The following TBX5 variants were observed in gnomAD, a reference collection of about 807,000 sequenced individuals.
TBX5 encodes the protein T-box transcription factor TBX5.
A neutral mutation model predicts 51.1 loss-of-function variants in TBX5; 8 were observed. The ratio of observed to expected loss-of-function variants is 0.16; its 90% CI spans 0.09 to 0.28. The LOEUF (loss-of-function observed/expected upper bound fraction) is 0.28. Among genes scored for constraint, TBX5 ranks in the 10% least tolerant of loss-of-function variants. The probability of loss-of-function intolerance (pLI) is 1.00; values close to 1 mark genes in which losing one functional copy is unlikely to be tolerated. For synonymous variants in TBX5, 302 were observed against 266.4 expected, an observed-to-expected ratio of 1.13 and a Z score of -1.30; for missense variants, 589 against 671.7, an observed-to-expected ratio of 0.88 and a Z score of 1.36.
intron 7 of TBX5, among the ~76,000 whole-genome samples, chr12:114,378,321 G>A (rs1303320720): frequency 6.6e-6 from 1 of 152,168 alleles, no homozygotes; most frequent in Non-Finnish European, 1.5e-5. Context: ...ACAAGAAGAT[G>A]AGCAGAAGCC....
At chr12:114,397,797 C>T (rs78470205) in intron 5 of TBX5, among the ~76,000 whole-genome samples, 40 of 152,256 alleles carry the variant, frequency 2.6e-4, no homozygotes, top group African/African-American at 8.9e-4. Flanking sequence ...CAGATCTCCC[C>T]GGGAGTATCA....
chr12:114,403,980 G>A, intron 1 of TBX5, 44 bp from the exon 2 acceptor site: 1 of 1,554,352 alleles, frequency 6.4e-7, no homozygotes, highest in Non-Finnish European at 8.7e-7. Context: ...GGAGGACAGA[G>A]AGAGAACGAG....
At chr12:114,356,921 A>G (rs1357309328) in intron 8 of TBX5, among the ~76,000 whole-genome samples, 1 of 152,218 alleles carries the variant, frequency 6.6e-6, no homozygotes, top group Non-Finnish European at 1.5e-5. Context: ...GAATCCAAGT[A>G]GTCTGACCAC....
intron 7 of TBX5, 94 bp from the exon 8 acceptor site, chr12:114,366,485 G>C: frequency 7.9e-7 from 1 of 1,267,644 alleles, no homozygotes; most frequent in Non-Finnish European, 1.1e-6. Flanking sequence ...CACCAGAAAA[G>C]TCACAGAATA....
At chr12:114,399,929 T>A (rs1453774250) in intron 3 of TBX5, among the ~76,000 whole-genome samples, 1 of 152,190 alleles carries the variant, frequency 6.6e-6, no homozygotes, top group Admixed American at 6.5e-5. Context: ...GGGACCTCCA[T>A]TTCAACTCTT....
intron 6 of TBX5, among the ~76,000 whole-genome samples, chr12:114,388,268 G>A (rs557169123): frequency 5.9e-5 from 9 of 151,976 alleles, no homozygotes; most frequent in African/African-American, 1.5e-4. Context: ...AGCAATTCTC[G>A]TGTCTCAGCC....
At chr12:114,389,753 C>CAAAAAA (rs55649814) in intron 6 of TBX5, among the ~76,000 whole-genome samples, 12 of 40,274 alleles carry the variant, frequency 3.0e-4, no homozygotes, top group Non-Finnish European at 4.9e-4. Flanking sequence ...GACTCCGTCT[C>CAAAAAA]AAAAAAAAAA....
chr12:114,360,765 G>T (rs1444778829), intron 8 of TBX5, among the ~76,000 whole-genome samples: 1 of 151,606 alleles, frequency 6.6e-6, no homozygotes, highest in Admixed American at 6.6e-5. Flanking sequence ...TGGATTGGTG[G>T]GTGGGTGGAT....
Position 114,398,643 on chromosome 12 carries a change from T to A in TBX5, c.440A>T (p.His147Leu). The change falls in exon 5 of 9, where the codon CAT (histidine) becomes CTT (leucine). Residue 147 changes from histidine (H) to leucine (L), a missense_variant. His to Leu is a moderately conservative substitution (Grantham distance 99). This residue lies in a region of TBX5 where 85 missense variants were observed against 95.6 expected (regional missense o/e 0.89). Coordinates refer to ENST00000405440, the MANE Select transcript of TBX5 (RefSeq NM_181486.4). ...GAAGGAGACGAGCTGCCTCATCCAA[T>A]GCGCCCCGGTGGCGGGGGAGTCTGG... ...VHPDSPATGAHWMRQLVSFQK... is the reference protein window; with the variant it reads ...VHPDSPATGALWMRQLVSFQK... 1 of 1,613,458 alleles carries A rather than the reference T, an allele frequency of 6.2e-7. No individual in the cohort carries two copies. The highest frequency in any genetic ancestry group is 8.5e-7 in the Non-Finnish European group (1 of 1,179,836).
At chr12:114,391,172 A>T (rs1048540398) in intron 6 of TBX5, among the ~76,000 whole-genome samples, 3 of 152,230 alleles carry the variant, frequency 2.0e-5, no homozygotes, top group African/African-American at 7.2e-5. Flanking sequence ...ATTTAATCAC[A>T]TGCATTGCTT....
chr12:114,390,616 G>T (rs1871100016), intron 6 of TBX5, among the ~76,000 whole-genome samples: 1 of 152,158 alleles, frequency 6.6e-6, no homozygotes, highest in Non-Finnish European at 1.5e-5. Context: ...TCATTTCCTG[G>T]TCTGAACCAG....
At chr12:114,400,067 G>A (rs1166854246) in intron 3 of TBX5, among the ~76,000 whole-genome samples, 4 of 152,272 alleles carry the variant, frequency 2.6e-5, no homozygotes, top group South Asian at 2.1e-4. Flanking sequence ...CGATCCTCGC[G>A]TTGCTAAGGT....
At chr12:114,365,151 G>A (rs370382408) in intron 8 of TBX5, among the ~76,000 whole-genome samples, 18 of 149,204 alleles carry the variant, frequency 1.2e-4, no homozygotes, top group Admixed American at 5.4e-4. Flanking sequence ...GGGATGAGAC[G>A]GGGAAAATCA....
chr12:114,407,375 C>A (rs573810846), upstream of TBX5, among the ~76,000 whole-genome samples: 1 of 152,116 alleles, frequency 6.6e-6, no homozygotes, highest in African/African-American at 2.4e-5. Flanking sequence ...GACCCTAGGC[C>A]GAAGACACGA....
At chr12:114,361,123 G>A (rs973207386) in intron 8 of TBX5, among the ~76,000 whole-genome samples, 11 of 152,126 alleles carry the variant, frequency 7.2e-5, no homozygotes, top group Non-Finnish European at 1.5e-4. Context: ...TCCCAGATCT[G>A]CCAATCATCA....
chr12:114,389,714 A>G (rs1871046990), intron 6 of TBX5, among the ~76,000 whole-genome samples: 1 of 120,422 alleles, frequency 8.3e-6, no homozygotes, highest in Non-Finnish European at 1.6e-5. Flanking sequence ...AGATCCCGCC[A>G]CTGCACTCCA....
intron 6 of TBX5, among the ~76,000 whole-genome samples, chr12:114,389,075 C>A (rs946981512): frequency 2.6e-5 from 4 of 151,956 alleles, no homozygotes; most frequent in African/African-American, 7.3e-5. Context: ...ATGACAGGTG[C>A]CCACCAACAC....
intron 7 of TBX5, among the ~76,000 whole-genome samples, chr12:114,375,780 C>T (rs1050325516): frequency 3.3e-5 from 5 of 152,108 alleles, no homozygotes; most frequent in Admixed American, 6.6e-5. Context: ...CAGTGGCCCA[C>T]GTTCTGTCAT....
intron 8 of TBX5, among the ~76,000 whole-genome samples, chr12:114,357,146 T>C (rs1868970845): frequency 6.6e-6 from 1 of 152,190 alleles, no homozygotes; most frequent in South Asian, 2.1e-4. Context: ...TGGTACAAGT[T>C]AATGTGTTGC....
Sources: gnomAD v4.1 joint callset for allele counts (sites outside exome capture counted in the v4.1 genomes callset) on GRCh38, gnomAD v4.1.1 for gene constraint, gnomAD v4.1.1 regional missense constraint, MANE v1.5 for transcripts, NCBI Gene and HGNC (gene_info 2026-07-23, HGNC 2026-07-21) for gene names.